ARHGAP15: variants seen among roughly 807,000 people sequenced by gnomAD.
ARHGAP15 encodes rho GTPase-activating protein 15.
A neutral mutation model predicts 63.7 loss-of-function variants in ARHGAP15; 51 were observed. The ratio of observed to expected loss-of-function variants is 0.80; its 90% CI spans 0.64 to 1.01. The LOEUF (loss-of-function observed/expected upper bound fraction) is 1.01, where lower values mean the gene tolerates loss of function less well. Among genes scored for constraint, ARHGAP15 ranks in the 50% least tolerant of loss-of-function variants. The probability of loss-of-function intolerance (pLI) is 0.00; values close to 1 mark genes in which losing one functional copy is unlikely to be tolerated. For synonymous variants in ARHGAP15, 191 were observed against 193.8 expected (o/e 0.99, Z 0.12); for missense variants, 560 against 564.6 (o/e 0.99, Z 0.08).
intron 13 of ARHGAP15, among the ~76,000 whole-genome samples, chr2:143,729,458 G>T (rs1244158794): frequency 6.6e-6 from 1 of 152,140 alleles, no homozygotes; most frequent in Non-Finnish European, 1.5e-5. Context: ...CAGGGCTGTT[G>T]CCTGGTCCGA....
intron 12 of ARHGAP15, among the ~76,000 whole-genome samples, chr2:143,647,774 C>T (rs1045109869): frequency 6.6e-6 from 1 of 151,972 alleles, no homozygotes; most frequent in Non-Finnish European, 1.5e-5. Context: ...AAATAACTAG[C>T]AACGTTAACT....
In ARHGAP15 at chr2:143,435,572, ATTTC is replaced by A. The variant is rs1204200166; in HGVS notation, c.475-25_475-22del. On this transcript the variant is annotated intron_variant, in intron 6 of 13. Transcript: ENST00000295095. The stretch of plus-strand genomic sequence containing the variant: ...TCTTACATAGTTTCTTTACCTGTCT[ATTTC>A]TTTTTCTTTTTTTTTTTTTTGCAGA... 5 of 1,459,964 alleles carry A rather than the reference ATTTC, an allele frequency of 3.4e-6. No homozygotes were observed. In the African/African-American group the frequency reaches 5.1e-5, roughly 15 times the overall value. The allele number at this position is 1,459,964 out of a possible 1,614,324, so 90.4% of individuals were successfully genotyped here. A position where few individuals can be genotyped will look rare whatever the true frequency, so the allele number is the denominator to read the frequency against.
At chr2:143,723,870 G>A (rs903447390) in intron 13 of ARHGAP15, among the ~76,000 whole-genome samples, 7 of 152,186 alleles carry the variant, frequency 4.6e-5, no homozygotes, top group Admixed American at 2.6e-4. Flanking sequence ...TTAGAAAGCA[G>A]TATTTGTGGG....
At chr2:143,393,845 A>G (rs1466979489) in intron 6 of ARHGAP15, among the ~76,000 whole-genome samples, 3 of 151,778 alleles carry the variant, frequency 2.0e-5, no homozygotes, top group South Asian at 4.1e-4. Flanking sequence ...TCAAATTGCT[A>G]TTACCGTACA....
intron 11 of ARHGAP15, among the ~76,000 whole-genome samples, chr2:143,578,653 G>A (rs79895751): frequency 0.02 from 2,978 of 152,246 alleles, 229 homozygotes; most frequent in Admixed American, 0.15. Context: ...TATTCAATAA[G>A]AGAAAACTGT....
At chr2:143,401,065 T>A (rs1687969006) in intron 6 of ARHGAP15, among the ~76,000 whole-genome samples, 1 of 151,970 alleles carries the variant, frequency 6.6e-6, no homozygotes, top group Admixed American at 6.6e-5. Flanking sequence ...CTGTTACCAG[T>A]GTTCACAGTT....
chr2:143,202,901 C>T (rs1392249749), intron 3 of ARHGAP15, among the ~76,000 whole-genome samples: 1 of 152,062 alleles, frequency 6.6e-6, no homozygotes, highest in East Asian at 1.9e-4. Context: ...TTGTAAATAA[C>T]ATGAATGAAT....
chr2:143,719,096 C>A (rs1324813538), intron 13 of ARHGAP15, among the ~76,000 whole-genome samples: 2 of 152,334 alleles, frequency 1.3e-5, no homozygotes, highest in East Asian at 3.9e-4. Flanking sequence ...TGGGACAGAA[C>A]CGCTGTAAGG....
At chr2:143,425,768 C>T (rs1298116983) in intron 6 of ARHGAP15, among the ~76,000 whole-genome samples, 2 of 150,488 alleles carry the variant, frequency 1.3e-5, no homozygotes, top group Admixed American at 1.3e-4. Flanking sequence ...TAGTTTCATT[C>T]CTAATGAATG....
chr2:143,409,638 G>A (rs1362896555), intron 6 of ARHGAP15, among the ~76,000 whole-genome samples: 1 of 152,056 alleles, frequency 6.6e-6, no homozygotes. Context: ...CATATATGTG[G>A]TGGCAGTTCC....
intron 6 of ARHGAP15, among the ~76,000 whole-genome samples, chr2:143,382,976 A>G (rs979970750): frequency 1.3e-5 from 2 of 152,206 alleles, no homozygotes; most frequent in Admixed American, 1.3e-4. Flanking sequence ...AAGAAAAACT[A>G]TCAAGCATTG....
At chr2:143,155,335 C>CT in intron 1 of ARHGAP15, 142 bp from the exon 2 acceptor site, 2 of 747,024 alleles carry the variant, frequency 2.7e-6, no homozygotes, top group Non-Finnish European at 4.0e-6. Context: ...AAAGGAACTA[C>CT]TTTTTTCTTC....
chr2:143,205,395 GT>G (rs1289936440), intron 3 of ARHGAP15, among the ~76,000 whole-genome samples: 1 of 151,702 alleles, frequency 6.6e-6, no homozygotes, highest in Admixed American at 6.6e-5. Flanking sequence ...ATTTATTTTT[GT>G]TAAGTTTGTC....
intron 6 of ARHGAP15, among the ~76,000 whole-genome samples, chr2:143,342,106 A>G (rs1256663304): frequency 6.6e-6 from 1 of 152,148 alleles, no homozygotes; most frequent in Non-Finnish European, 1.5e-5. Flanking sequence ...TGTGAGCTAA[A>G]TGTCTATTGA....
chr2:143,135,314 G>A (rs1416485725), intron 1 of ARHGAP15, among the ~76,000 whole-genome samples: 5 of 152,156 alleles, frequency 3.3e-5, no homozygotes, highest in African/African-American at 9.7e-5. Context: ...ATCCTTGTCA[G>A]TAACACACAA....
At chr2:143,273,786 A>G (rs932677097) in intron 6 of ARHGAP15, among the ~76,000 whole-genome samples, 2 of 152,166 alleles carry the variant, frequency 1.3e-5, no homozygotes, top group Admixed American at 6.5e-5. Context: ...TTTCATTTCC[A>G]TATTTTATTC....
At chr2:143,226,338 T>C (rs536186752) in intron 4 of ARHGAP15, among the ~76,000 whole-genome samples, 1 of 152,312 alleles carries the variant, frequency 6.6e-6, no homozygotes, top group South Asian at 2.1e-4. Flanking sequence ...TTACTATAGA[T>C]AGGATGCAAA....
chr2:143,664,448 G>A (rs1682034029), intron 12 of ARHGAP15, among the ~76,000 whole-genome samples: 1 of 151,760 alleles, frequency 6.6e-6, no homozygotes, highest in South Asian at 2.1e-4. Context: ...AGCACTAAAT[G>A]CCCACAAGAG....
At chr2:143,632,994 C>T (rs1276284391) in intron 12 of ARHGAP15, among the ~76,000 whole-genome samples, 3 of 152,064 alleles carry the variant, frequency 2.0e-5, no homozygotes, top group Non-Finnish European at 4.4e-5. Context: ...AGAGAAAGAG[C>T]AGGGTGTAAA....
Sources: allele counts gnomAD v4.1 joint callset (sites outside exome capture counted in the v4.1 genomes callset), GRCh38; gene constraint gnomAD v4.1.1; transcripts MANE v1.5; gene names NCBI Gene and HGNC (gene_info 2026-07-23, HGNC 2026-07-21).